The following DPEP1 variants were observed in gnomAD, a reference collection of about 807,000 sequenced individuals.
The protein encoded by DPEP1 is beta-lactamase.
In DPEP1, 50 loss-of-function variants were observed where a neutral mutation model predicts 42.3. The ratio of observed to expected loss-of-function variants is 1.18; its 90% confidence interval spans 0.94 to 1.50. DPEP1 has a LOEUF of 1.50. Among genes scored for constraint, DPEP1 ranks in the 40% most tolerant of loss-of-function variants. The probability of loss-of-function intolerance (pLI) is 0.00; values close to 1 mark genes in which losing one functional copy is unlikely to be tolerated. For synonymous variants in DPEP1, 297 were observed against 234.0 expected (o/e 1.27, Z -2.46); for missense variants, 663 against 553.0 (o/e 1.20, Z -1.99).
At chr16:89,627,651 C>CTTT (rs1175287086) in intron 1 of DPEP1, among the ~76,000 whole-genome samples, 1 of 52,840 alleles carries the variant, frequency 1.9e-5, no homozygotes, top group African/African-American at 8.9e-5. Context: ...GATATTTCTT[C>CTTT]TTTTTTTTTT....
At chr16:89,616,368 C>A (rs1281622060) in intron 1 of DPEP1, among the ~76,000 whole-genome samples, 2 of 152,108 alleles carry the variant, frequency 1.3e-5, no homozygotes, top group African/African-American at 2.4e-5. Context: ...TATGGCCCAG[C>A]CAGCTGTGAG....
intron 1 of DPEP1, among the ~76,000 whole-genome samples, chr16:89,614,692 G>A (rs975712847): frequency 6.6e-6 from 1 of 152,218 alleles, no homozygotes; most frequent in Non-Finnish European, 1.5e-5. Context: ...CTACTCGGGA[G>A]GCTGAAGCAG....
rs763019544 is a variant in DPEP1 at position 89,637,463 on chromosome 16, T to A, written c.769-5T>A. The A allele has an allele frequency of 6.2e-6, 10 of 1,612,698 alleles. No individual in the cohort carries two copies. In the Admixed American group the frequency reaches 1.7e-4, roughly 27 times the overall value. ...CAGCTTCACCCTGTCTTCCTTCTTGTGCAGAAACAGACAGACAGCCTGGTG... is the reference window on the plus strand; with the variant it reads ...CAGCTTCACCCTGTCTTCCTTCTTGAGCAGAAACAGACAGACAGCCTGGTG... On this transcript the variant is annotated splice_region_variant and splice_polypyrimidine_tract_variant and intron_variant, in intron 7 of 10. Coordinates refer to ENST00000690203, the MANE Select transcript of DPEP1 (RefSeq NM_001389466.1).
At chr16:89,626,189 G>A (rs2059509289) in intron 1 of DPEP1, among the ~76,000 whole-genome samples, 1 of 152,150 alleles carries the variant, frequency 6.6e-6, no homozygotes, top group Non-Finnish European at 1.5e-5. Context: ...GAGTGATGCG[G>A]TTTGGTTCTG....
At position 89,636,613 on chromosome 16, in the gene DPEP1, G is replaced by A; in HGVS notation, c.451G>A (p.Gly151Ser). 1 of 1,612,594 alleles carries A rather than the reference G, an allele frequency of 6.2e-7. No individual in the cohort carries two copies. Among genetic ancestry groups the A allele is most frequent in the Non-Finnish European group, 8.5e-7 (1 of 1,179,960 alleles). Residue 151 changes from glycine (G) to serine (S), a missense_variant, in exon 5 of 11, where the codon GGC (glycine) becomes AGC (serine). Coordinates refer to ENST00000690203, the MANE Select transcript of DPEP1 (RefSeq NM_001389466.1). The part of the protein sequence containing the change: ...EGGHSIDSSL[G>S]VLRALYQLGM... ...CGGCCACTCCATTGACAGCAGTTTG[G>A]GCGTCCTGCGGGCACTCTATCAGCT...
chr16:89,622,972 C>G (rs543589020), intron 1 of DPEP1, among the ~76,000 whole-genome samples: 1 of 151,978 alleles, frequency 6.6e-6, no homozygotes, highest in East Asian at 1.9e-4. Flanking sequence ...TCAGCTCAGA[C>G]GTTGCAGGCA....
intron 1 of DPEP1, among the ~76,000 whole-genome samples, chr16:89,615,879 C>G (rs1315888089): frequency 1.3e-5 from 2 of 152,178 alleles, no homozygotes; most frequent in African/African-American, 2.4e-5. Flanking sequence ...AAGGCCCGCC[C>G]TGGCCTCTGA....
At chr16:89,634,367 A>G (rs562963690) in intron 2 of DPEP1, among the ~76,000 whole-genome samples, 154 of 152,176 alleles carry the variant, frequency 1.0e-3, no homozygotes, top group Non-Finnish European at 1.1e-3. Context: ...GATTACAGGC[A>G]TGAGCCACCC....
downstream of DPEP1, among the ~76,000 whole-genome samples, chr16:89,640,864 C>T (rs1035472465): frequency 3.3e-5 from 5 of 152,086 alleles, no homozygotes; most frequent in Admixed American, 6.6e-5. Flanking sequence ...ACCACCTGGA[C>T]GCGGAGACCG....
chr16:89,616,542 C>G (rs747656664), intron 1 of DPEP1, among the ~76,000 whole-genome samples: 2 of 152,212 alleles, frequency 1.3e-5, no homozygotes, highest in Non-Finnish European at 2.9e-5. Flanking sequence ...GGCGATTGCT[C>G]CACCAGAATG....
At chr16:89,614,823 C>T (rs546941315) in intron 1 of DPEP1, among the ~76,000 whole-genome samples, 9 of 152,148 alleles carry the variant, frequency 5.9e-5, no homozygotes, top group East Asian at 3.9e-4. Flanking sequence ...ATCTTCTCCC[C>T]GGGTAGGGTG....
chr16:89,628,384 A>C (rs973565453), intron 1 of DPEP1, among the ~76,000 whole-genome samples: 5 of 148,346 alleles, frequency 3.4e-5, no homozygotes, highest in African/African-American at 1.3e-4. Context: ...CAGCCTCCCG[A>C]GTAGCTGGGA....
At chr16:89,618,933 G>GCCCCCTGCC (rs1472020437) in intron 1 of DPEP1, among the ~76,000 whole-genome samples, 1 of 118,394 alleles carries the variant, frequency 8.4e-6, no homozygotes, top group Non-Finnish European at 1.8e-5. Flanking sequence ...CCTCCCTGCA[G>GCCCCCTGCC]CTCCCTGCCC....
chr16:89,632,658 G>A (rs574180258), intron 2 of DPEP1, among the ~76,000 whole-genome samples: 1 of 152,248 alleles, frequency 6.6e-6, no homozygotes, highest in South Asian at 2.1e-4. Flanking sequence ...AAGGAGGGTG[G>A]GTCTGATTAG....
Position 89,635,050 on chromosome 16 carries a change from CT to C in DPEP1, c.105-857del, listed in dbSNP as rs376264740. ...CCCCTTCCTTCCCTTTCCCTTCCTT[CT>C]CCTTTCCCTTCCTTCTCCTTTCCCT... is the stretch of plus-strand genomic sequence containing the variant. On this transcript the variant is annotated intron_variant, in intron 2 of 10. Transcript: ENST00000690203. Among the ~76,000 whole-genome samples the C allele has an allele frequency of 7.0e-4, 13 of 18,610 alleles. 2 individuals are homozygous for C. Among genetic ancestry groups the C allele is most frequent in the Non-Finnish European group, 2.4e-3 (9 of 3,728 alleles). The allele number at this position is 18,610 out of a possible 152,430, so 12.2% of individuals were successfully genotyped here.
In DPEP1 at chr16:89,638,130, G is replaced by C; in HGVS notation, c.1144G>C (p.Gly382Arg). The C allele has an allele frequency of 1.9e-6, 3 of 1,612,108 alleles. No individual in the cohort carries two copies. Among genetic ancestry groups the C allele is most frequent in the Non-Finnish European group, 8.5e-7 (1 of 1,179,682 alleles). The change falls in exon 11 of 11, where the codon GGC becomes CGC. Residue 382 changes from glycine (G) to arginine (R), a missense_variant. Gly to Arg is a moderately radical substitution (Grantham distance 125, BLOSUM62 -2). Transcript: ENST00000690203. ...GGGTGGCTCCTGCAGGACCCATTAC[G>C]GCTACTCCTCTGGGGCTTCCAGCCT... The part of the protein sequence containing the change: ...QLGGSCRTHY[G>R]YSSGASSLHR...
chr16:89,628,813 G>A (rs558822177), intron 1 of DPEP1, among the ~76,000 whole-genome samples: 17 of 151,904 alleles, frequency 1.1e-4, no homozygotes, highest in African/African-American at 3.1e-4. Flanking sequence ...GGGGGAGGGG[G>A]GGCGGTTTGT....
downstream of DPEP1, among the ~76,000 whole-genome samples, chr16:89,640,167 T>C (rs1451063775): frequency 6.6e-6 from 1 of 152,164 alleles, no homozygotes; most frequent in Non-Finnish European, 1.5e-5. Flanking sequence ...GGGTTCGTCT[T>C]GAGATGCACA....
At position 89,636,010 on chromosome 16, in the gene DPEP1, C is replaced by G. The variant is rs773254924; in HGVS notation, c.207C>G (p.Pro69=). 2.5e-6 allele frequency: 4 copies of G among 1,611,746 alleles called. No individual in the cohort carries two copies. In the Admixed American group the frequency reaches 6.7e-5, roughly 27 times the overall value. Residue 69 remains proline, a synonymous_variant, in exon 3 of 11, where the codon CCC becomes CCG. Coordinates refer to ENST00000690203, the MANE Select transcript of DPEP1 (RefSeq NM_001389466.1). Reference sequence around the variant, plus strand: ...TGGCCGGCACACACACCAACATCCCCAAGCTGAGGGCCGGCTTTGTGGGAG... The same window carrying G: ...TGGCCGGCACACACACCAACATCCCGAAGCTGAGGGCCGGCTTTGTGGGAG... ...TTLAGTHTNI[P]KLRAGFVGGQ...
Sources: allele counts gnomAD v4.1 joint callset (sites outside exome capture counted in the v4.1 genomes callset), GRCh38; gene constraint gnomAD v4.1.1; transcripts MANE v1.5; gene names NCBI Gene and HGNC (gene_info 2026-07-23, HGNC 2026-07-21).